The following CCDC148 variants were observed in gnomAD, a reference collection of about 807,000 sequenced individuals.
CCDC148 encodes the protein coiled-coil domain-containing protein 148.
Under a neutral mutation model 85.7 loss-of-function variants are expected in CCDC148, and 89 were observed. That is an observed-to-expected ratio of 1.04 (90% CI 0.87 to 1.24). CCDC148 has a LOEUF of 1.24. Among genes scored for constraint, CCDC148 ranks in the 50% most tolerant of loss-of-function variants. The pLI, the probability that CCDC148 is intolerant of heterozygous loss-of-function variation, is 0.00. For missense variants in CCDC148, 692 were observed against 671.7 expected, an observed-to-expected ratio of 1.03 and a Z score of -0.33; for synonymous variants, 230 against 213.9, an observed-to-expected ratio of 1.08 and a Z score of -0.66.
chr2:158,178,880 T>A lies in CCDC148; in HGVS notation c.1487A>T (p.Gln496Leu). 1 of 1,607,014 alleles carries A rather than the reference T, an allele frequency of 6.2e-7. No individual in the cohort carries two copies. Among genetic ancestry groups the A allele is most frequent in the Non-Finnish European group, 8.5e-7 (1 of 1,175,708 alleles). Residue 496 changes from glutamine to leucine, a missense_variant and splice_region_variant, in exon 12 of 14, where the codon CAG (glutamine) becomes CTG (leucine). By Grantham distance (113) the Gln-to-Leu change is moderately radical. Coordinates refer to ENST00000283233, the MANE Select transcript of CCDC148 (RefSeq NM_138803.4). The stretch of plus-strand genomic sequence containing the variant: ...TGAAAATTTCCAAATGAAAAACACC[T>A]GTTTCCTAAGGGCTTCTAGCCGCCG... ...RARRLEALRK[Q>L]VAVVAQFDPV...
chr2:158,414,041 C>T (rs1185032358), intron 1 of CCDC148, among the ~76,000 whole-genome samples: 1 of 152,148 alleles, frequency 6.6e-6, no homozygotes, highest in African/African-American at 2.4e-5. Flanking sequence ...GAAAGTGATA[C>T]ATCAATAAAG....
chr2:158,425,870 T>A (rs1024734062), intron 1 of CCDC148, among the ~76,000 whole-genome samples: 1 of 152,182 alleles, frequency 6.6e-6, no homozygotes, highest in African/African-American at 2.4e-5. Flanking sequence ...CACAGTGTTG[T>A]GATCACTGGA....
At chr2:158,427,624 C>G (rs557270883) in intron 1 of CCDC148, among the ~76,000 whole-genome samples, 1 of 152,102 alleles carries the variant, frequency 6.6e-6, no homozygotes, top group Admixed American at 6.5e-5. Context: ...AATCCCAACA[C>G]TTTAGGGGGC....
intron 7 of CCDC148, among the ~76,000 whole-genome samples, chr2:158,337,027 T>G (rs1574645805): frequency 6.6e-6 from 1 of 152,138 alleles, no homozygotes; most frequent in African/African-American, 2.4e-5. Context: ...CACTTAATCT[T>G]CAGTAATTTT....
intron 1 of CCDC148, among the ~76,000 whole-genome samples, chr2:158,412,384 G>A (rs977150779): frequency 1.3e-5 from 2 of 152,146 alleles, no homozygotes; most frequent in African/African-American, 4.8e-5. Flanking sequence ...GGGACTCCTA[G>A]TCGGTCATCT....
chr2:158,312,379 C>G (rs774898932), intron 8 of CCDC148, among the ~76,000 whole-genome samples: 143 of 151,728 alleles, frequency 9.4e-4, no homozygotes, highest in Non-Finnish European at 3.4e-4. Context: ...GTCAAGAGAT[C>G]GAGACCATCC....
At chr2:158,439,454 C>A (rs979733602) in intron 1 of CCDC148, among the ~76,000 whole-genome samples, 1 of 152,044 alleles carries the variant, frequency 6.6e-6, no homozygotes, top group African/African-American at 2.4e-5. Context: ...GGGTGGGGAA[C>A]GTCACACACC....
At position 158,365,976 on chromosome 2, in the gene CCDC148, T is replaced by C. The variant is rs1255028263; in HGVS notation, c.26-7406A>G. 2.9e-6 allele frequency: 4 copies of C among 1,362,088 alleles called. No individual in the cohort carries two copies. The African/African-American group carries it at 6.0e-5, about 20-fold the overall frequency. 84.4% of individuals were successfully genotyped at this position (1,362,088 alleles called of 1,614,324 possible). A position where few individuals can be genotyped will look rare whatever the true frequency, so the allele number is the denominator to read the frequency against. On this transcript the variant is annotated intron_variant, in intron 1 of 13. Transcript: ENST00000283233. ...ATCATTTCAAAAGTACATAATCCAC[T>C]GTAAATAATAAAACAGAGTTGGAAG...
intron 8 of CCDC148, among the ~76,000 whole-genome samples, chr2:158,313,513 C>T (rs931679613): frequency 2.6e-5 from 4 of 151,806 alleles, no homozygotes; most frequent in Admixed American, 6.5e-5. Flanking sequence ...TGAAGATCTC[C>T]GCAGCAAGTA....
At chr2:158,306,315 G>C (rs1436201686) in intron 9 of CCDC148, among the ~76,000 whole-genome samples, 1 of 151,818 alleles carries the variant, frequency 6.6e-6, no homozygotes, top group Non-Finnish European at 1.5e-5. Flanking sequence ...GAGGTCAGGA[G>C]ATCAAGACCA....
At chr2:158,355,692 C>G (rs1310388792) in intron 2 of CCDC148, among the ~76,000 whole-genome samples, 4 of 131,716 alleles carry the variant, frequency 3.0e-5, no homozygotes, top group African/African-American at 3.2e-5. Flanking sequence ...CCCCATCAAG[C>G]TACCAATGCC....
intron 7 of CCDC148, among the ~76,000 whole-genome samples, chr2:158,335,516 G>C (rs1414275879): frequency 6.6e-6 from 1 of 152,112 alleles, no homozygotes; most frequent in Admixed American, 6.6e-5. Context: ...GGCTGGGGAG[G>C]CCTCACACTC....
At chr2:158,289,462 T>G (rs186146950) in intron 9 of CCDC148, among the ~76,000 whole-genome samples, 128 of 152,336 alleles carry the variant, frequency 8.4e-4, no homozygotes, top group Non-Finnish European at 1.5e-3. Flanking sequence ...AGATAGCCAT[T>G]AAACATGCTG....
chr2:158,397,433 G>A (rs1685572163), intron 1 of CCDC148, among the ~76,000 whole-genome samples: 1 of 152,130 alleles, frequency 6.6e-6, no homozygotes. Context: ...GGATCTCTCT[G>A]CAGAAACCCT....
chr2:158,435,897 T>C (rs1687627011), intron 1 of CCDC148, among the ~76,000 whole-genome samples: 1 of 152,022 alleles, frequency 6.6e-6, no homozygotes, highest in African/African-American at 2.4e-5. Context: ...TACATAATGG[T>C]AAAGGGATCA....
intron 1 of CCDC148, among the ~76,000 whole-genome samples, chr2:158,392,464 T>C (rs1234330206): frequency 6.6e-6 from 1 of 152,100 alleles, no homozygotes; most frequent in Non-Finnish European, 1.5e-5. Flanking sequence ...ACCAATATGA[T>C]ATTCAAAAAA....
At chr2:158,212,347 A>T (rs939504681) in intron 11 of CCDC148, among the ~76,000 whole-genome samples, 1 of 152,196 alleles carries the variant, frequency 6.6e-6, no homozygotes, top group African/African-American at 2.4e-5. Context: ...CTCTTTAAAG[A>T]TCTCAAACAT....
chr2:158,311,130 G>A (rs1365891329), intron 8 of CCDC148, among the ~76,000 whole-genome samples: 1 of 152,322 alleles, frequency 6.6e-6, no homozygotes, highest in Middle Eastern at 3.4e-3. Flanking sequence ...CGGCTGGGAG[G>A]TGGAGGTTGT....
intron 10 of CCDC148, among the ~76,000 whole-genome samples, chr2:158,222,217 C>A (rs1687222045): frequency 6.6e-6 from 1 of 152,186 alleles, no homozygotes; most frequent in Non-Finnish European, 1.5e-5. Flanking sequence ...ACTCCCAGCA[C>A]TGGCCTTGGA....
Sources: gnomAD v4.1 joint callset for allele counts (sites outside exome capture counted in the v4.1 genomes callset) on GRCh38, gnomAD v4.1.1 for gene constraint, MANE v1.5 for transcripts, NCBI Gene and HGNC (gene_info 2026-07-23, HGNC 2026-07-21) for gene names.